The following AAK1 variants were observed in gnomAD, a reference collection of about 807,000 sequenced individuals.
AAK1 encodes AP2 associated kinase 1, also known as AP2-associated protein kinase 1.
Under a neutral mutation model 116.0 loss-of-function variants are expected in AAK1, and 37 were observed. The ratio of observed to expected loss-of-function variants is 0.32; its 90% CI spans 0.25 to 0.42. AAK1 has a LOEUF of 0.42. Among genes scored for constraint, AAK1 ranks in the 10% least tolerant of loss-of-function variants. AAK1 has a pLI of 1.00. For synonymous variants in AAK1, 458 were observed against 439.9 expected, an observed-to-expected ratio of 1.04 and a Z score of -0.51; for missense variants, 919 against 1,170.6, an observed-to-expected ratio of 0.79 and a Z score of 3.14.
At chr2:69,481,159 G>A (rs1048410225) in intron 18 of AAK1, 198 bp from the exon 19 acceptor site, 10 of 425,030 alleles carry the variant, frequency 2.4e-5, no homozygotes, top group Non-Finnish European at 3.8e-5. Context: ...ACTGCACCCA[G>A]CCATGTGAAG....
chr2:69,467,854 G>A lies in AAK1; in HGVS notation c.*8015C>T, dbSNP rs945263214. On this transcript the variant is annotated 3_prime_UTR_variant, in exon 22 of 22. Transcript: ENST00000409085. ...CATTACATTGTAAAGAGAATGTAGA[G>A]AGAGGTCTGAACATTTTATAAGATA... The A allele has an allele frequency of 3.0e-6, 3 of 985,346 alleles. No homozygotes were observed. The African/African-American group carries it at 5.2e-5, about 17-fold the overall frequency. 61.0% of individuals were successfully genotyped at this position (985,346 alleles called of 1,614,324 possible).
At position 69,473,986 on chromosome 2, in the gene AAK1, G is replaced by T. The variant is rs1032498056; in HGVS notation, c.*1883C>A. 1.0e-6 allele frequency: 1 copy of T among 985,590 alleles called. No homozygotes were observed. The highest frequency in any genetic ancestry group is 1.2e-6 in the Non-Finnish European group (1 of 829,930). The allele number at this position is 985,590 out of a possible 1,614,324, so 61.1% of individuals were successfully genotyped here. On this transcript the variant is annotated 3_prime_UTR_variant, in exon 22 of 22. Coordinates refer to ENST00000409085, the MANE Select transcript of AAK1 (RefSeq NM_014911.5). The stretch of plus-strand genomic sequence containing the variant: ...GAAGCTTGTGCCTCTCTCAGTTTTG[G>T]AAATGGTCTGTTATTCAACTAGAGG...
intron 21 of AAK1, among the ~76,000 whole-genome samples, chr2:69,476,368 T>C (rs1223885303): frequency 1.3e-5 from 2 of 152,224 alleles, no homozygotes; most frequent in Non-Finnish European, 2.9e-5. Flanking sequence ...GTTATTAAGA[T>C]ACTGCAATAA....
intron 5 of AAK1, among the ~76,000 whole-genome samples, chr2:69,537,501 C>T (rs970802268): frequency 2.0e-5 from 3 of 152,216 alleles, no homozygotes; most frequent in Non-Finnish European, 4.4e-5. Flanking sequence ...TGCTCTTTCC[C>T]TCATCCTATT....
chr2:69,540,445 A>C (rs192214923), intron 5 of AAK1, among the ~76,000 whole-genome samples: 1 of 152,176 alleles, frequency 6.6e-6, no homozygotes, highest in African/African-American at 2.4e-5. Context: ...CTACTTAGAA[A>C]AAAAGGGCTG....
intron 4 of AAK1, among the ~76,000 whole-genome samples, chr2:69,542,907 T>TTC (rs1193412072): frequency 7.9e-5 from 12 of 152,188 alleles, no homozygotes; most frequent in Admixed American, 2.0e-4. Flanking sequence ...GCACCCCAGA[T>TTC]GTGAGCTGCC....
intron 2 of AAK1, among the ~76,000 whole-genome samples, chr2:69,575,582 C>T (rs1398678339): frequency 6.6e-6 from 1 of 151,468 alleles, no homozygotes; most frequent in Non-Finnish European, 1.5e-5. Context: ...GATTCTCCTG[C>T]CTCAGCCTCC....
At chr2:69,584,030 G>C (rs1672655611) in intron 2 of AAK1, among the ~76,000 whole-genome samples, 3 of 152,180 alleles carry the variant, frequency 2.0e-5, no homozygotes, top group African/African-American at 7.2e-5. Context: ...CTCTTTTACA[G>C]AATAATTAAC....
chr2:69,473,516 A>C lies in AAK1; in HGVS notation c.*2353T>G, dbSNP rs190276621. On this transcript the variant is annotated 3_prime_UTR_variant, in exon 22 of 22. Coordinates refer to ENST00000409085, the MANE Select transcript of AAK1 (RefSeq NM_014911.5). ...ACAATTTCTTGTCATTATCTCCCTT[A>C]GGCTTCTACTGCCGTCTCTGGCTTC... 8 of 985,460 alleles carry C rather than the reference A, an allele frequency of 8.1e-6. No individual in the cohort carries two copies. The Admixed American group carries it at 3.7e-4, about 45-fold the overall frequency. The allele number at this position is 985,460 out of a possible 1,614,324, so 61.0% of individuals were successfully genotyped here.
chr2:69,601,467 A>G (rs1214727433), intron 2 of AAK1, among the ~76,000 whole-genome samples: 3 of 152,220 alleles, frequency 2.0e-5, no homozygotes, highest in African/African-American at 7.2e-5. Context: ...AGGATCAAAG[A>G]GCCAAAGATA....
rs1674746714 is a variant in AAK1, at chr2:69,473,449, A to T, written c.*2420T>A. 1 of 985,342 alleles carries T rather than the reference A, an allele frequency of 1.0e-6. No homozygotes were observed. Among genetic ancestry groups the T allele is most frequent in the Non-Finnish European group, 1.2e-6 (1 of 829,938 alleles). 61.0% of individuals were successfully genotyped at this position (985,342 alleles called of 1,614,324 possible). ...CATATGTGTTCCTTAACAGAAAAAT[A>T]GTTCTCCCCTTTGAGGAGGCCTTAC... On this transcript the variant is annotated 3_prime_UTR_variant, in exon 22 of 22. Coordinates refer to ENST00000409085, the MANE Select transcript of AAK1 (RefSeq NM_014911.5).
At chr2:69,615,482 T>C (rs1271614838) in intron 2 of AAK1, among the ~76,000 whole-genome samples, 2 of 152,268 alleles carry the variant, frequency 1.3e-5, no homozygotes, top group African/African-American at 2.4e-5. Context: ...GAGGAGTTTC[T>C]AGAAGAACCT....
chr2:69,553,385 T>C (rs1558956544), intron 3 of AAK1, among the ~76,000 whole-genome samples: 1 of 147,828 alleles, frequency 6.8e-6, no homozygotes, highest in Non-Finnish European at 1.5e-5. Flanking sequence ...AATTCTGTAC[T>C]CAAACTATGA....
intron 12 of AAK1, 86 bp from the exon 13 acceptor site, chr2:69,514,835 G>T: frequency 1.4e-6 from 2 of 1,421,722 alleles, no homozygotes. Context: ...ATGAAGACCA[G>T]TGCTAAAGCC....
chr2:69,604,236 T>C (rs1461254995), intron 2 of AAK1, among the ~76,000 whole-genome samples: 1 of 152,198 alleles, frequency 6.6e-6, no homozygotes. Flanking sequence ...CACCATTCAA[T>C]GTCAGGCAGC....
rs768394039 is a variant in AAK1 at position 69,479,038 on chromosome 2, G to C, written c.2593C>G (p.Leu865Val). The change falls in exon 20 of 22, where the codon CTG becomes GTG. Residue 865 changes from leucine (L) to valine (V), a missense_variant. Leu to Val is a conservative substitution (Grantham distance 32). Coordinates refer to ENST00000409085, the MANE Select transcript of AAK1 (RefSeq NM_014911.5). ...RTDSLTGEDS[L>V]LDCSLLSNPT... ...TTAGAGAGCAGAGAGCAATCAAGCAGGGAATCTTCCCCGGTGAGAGAATCT... is the reference window on the plus strand; with the variant it reads ...TTAGAGAGCAGAGAGCAATCAAGCACGGAATCTTCCCCGGTGAGAGAATCT... 37 of 1,613,730 alleles carry C rather than the reference G, an allele frequency of 2.3e-5. 1 individual carries two copies. The highest frequency in any genetic ancestry group is 3.1e-5 in the Non-Finnish European group (37 of 1,179,664).
At chr2:69,544,398 G>T in intron 4 of AAK1, 38 bp downstream of exon 4, 2 of 1,497,642 alleles carry the variant, frequency 1.3e-6, no homozygotes, top group South Asian at 1.1e-5. Flanking sequence ...CAAAATGCTA[G>T]AGAAATGACA....
chr2:69,613,326 T>C (rs1045705218), intron 2 of AAK1, among the ~76,000 whole-genome samples: 1 of 152,258 alleles, frequency 6.6e-6, no homozygotes, highest in South Asian at 2.1e-4. Context: ...TCCTGAGTGG[T>C]AGGGGTGATA....
rs769250647 is a variant in AAK1, at chr2:69,643,082, T to C, written c.-42A>G. On this transcript the variant is annotated 5_prime_UTR_variant, in exon 2 of 22. Coordinates refer to ENST00000409085, the MANE Select transcript of AAK1 (RefSeq NM_014911.5). ...AGCAAAGCAAAATACCGATGGTTTC[T>C]AGATTTTTTTTTTTTTTTTTTTTTT... The C allele has an allele frequency of 9.8e-5, 138 of 1,402,560 alleles. No homozygotes were observed. Among genetic ancestry groups the C allele is most frequent in the Non-Finnish European group, 1.2e-4 (129 of 1,086,938 alleles). The allele number at this position is 1,402,560 out of a possible 1,614,324, so 86.9% of individuals were successfully genotyped here. A position where few individuals can be genotyped will look rare whatever the true frequency, so the allele number is the denominator to read the frequency against.
Sources: gnomAD v4.1 joint callset for allele counts (sites outside exome capture counted in the v4.1 genomes callset) on GRCh38, gnomAD v4.1.1 for gene constraint, MANE v1.5 for transcripts, NCBI Gene and HGNC (gene_info 2026-07-23, HGNC 2026-07-21) for gene names.